Variants in TMEM230 observed in about 807,000 individuals in gnomAD.
TMEM230 encodes transmembrane protein 230, also known as UPF0414 transmembrane protein C20orf30.
TMEM230 carries 10 observed loss-of-function variants against 15.8 expected under a neutral mutation model. The ratio of observed to expected loss-of-function variants is 0.63; its 90% CI spans 0.39 to 1.07. TMEM230 has a LOEUF of 1.07. Among genes scored for constraint, TMEM230 ranks in the 50% least tolerant of loss-of-function variants. TMEM230 has a pLI of 0.01. For missense variants in TMEM230, 165 were observed against 193.3 expected (o/e 0.85, Z 0.87); for synonymous variants, 67 against 76.9 (o/e 0.87, Z 0.68).
At position 5,106,242 on chromosome 20, in the gene TMEM230, G is replaced by A. The variant is rs749201963; in HGVS notation, c.357C>T (p.Gly119=). 3.0e-5 allele frequency: 48 copies of A among 1,613,898 alleles called. No homozygotes were observed. The highest frequency in any genetic ancestry group is 3.3e-4 in the Middle Eastern group (2 of 6,084). The change falls in exon 4 of 5, where the codon GGC becomes GGT. Residue 119 remains glycine (G), a synonymous_variant. Transcript: ENST00000342308. ...GGGAGCCTATAATAATGAGAAAGGC[G>A]CCAATCAAAAACAGCACAGTGGCAA...
intron 3 of TMEM230, among the ~76,000 whole-genome samples, chr20:5,080,716 G>A (rs905256106): frequency 2.0e-5 from 3 of 151,998 alleles, no homozygotes; most frequent in Admixed American, 6.6e-5. Flanking sequence ...ACAGGCATGC[G>A]CCACCACGCC....
chr20:5,078,786 G>A (rs1259151018), intron 3 of TMEM230, among the ~76,000 whole-genome samples: 1 of 152,202 alleles, frequency 6.6e-6, no homozygotes, highest in East Asian at 1.9e-4. Context: ...TGGGCCACTT[G>A]TCTTTTGGTG....
intron 1 of TMEM230, 152 bp downstream of exon 1, chr20:5,112,809 A>G: frequency 6.6e-7 from 1 of 1,511,140 alleles, no homozygotes; most frequent in South Asian, 1.2e-5. Flanking sequence ...AACAAACAAA[A>G]CGGGCTTCTG....
At chr20:5,069,542 T>C (rs2088757074) in intron 3 of TMEM230, among the ~76,000 whole-genome samples, 1 of 152,132 alleles carries the variant, frequency 6.6e-6, no homozygotes, top group Non-Finnish European at 1.5e-5. Flanking sequence ...ACTCAGTGAG[T>C]GACCAAGGGA....
chr20:5,096,344 G>A (rs1465376658), downstream of TMEM230, among the ~76,000 whole-genome samples: 1 of 152,202 alleles, frequency 6.6e-6, no homozygotes, highest in Non-Finnish European at 1.5e-5. Flanking sequence ...CACCTTGTGA[G>A]GTAGGAATTG....
chr20:5,060,579 T>C, the TMEM230 span, among the ~76,000 whole-genome samples: 1 of 151,980 alleles, frequency 6.6e-6, no homozygotes, highest in Non-Finnish European at 1.5e-5. Flanking sequence ...TCAAGTGATC[T>C]GCCTGCCTCA....
At chr20:5,105,024 C>T (rs2090014719) in intron 4 of TMEM230, among the ~76,000 whole-genome samples, 1 of 152,236 alleles carries the variant, frequency 6.6e-6, no homozygotes, top group Non-Finnish European at 1.5e-5. Flanking sequence ...GTAGCTCACG[C>T]CTGTAATCCC....
chr20:5,112,888 G>A, intron 1 of TMEM230, 73 bp downstream of exon 1: 1 of 1,548,086 alleles, frequency 6.5e-7, no homozygotes, highest in Non-Finnish European at 8.7e-7. Flanking sequence ...ATTTCGGCGG[G>A]GAGCGCGGTC....
At chr20:5,088,003 TA>T (rs144929003) in intron 3 of TMEM230, among the ~76,000 whole-genome samples, 179 of 113,434 alleles carry the variant, frequency 1.6e-3, no homozygotes, top group African/African-American at 2.7e-3. Context: ...AGGATATACC[TA>T]AAAAAAAAAA....
At chr20:5,092,398 A>G (rs1260490552) in intron 3 of TMEM230, among the ~76,000 whole-genome samples, 1 of 152,114 alleles carries the variant, frequency 6.6e-6, no homozygotes, top group Non-Finnish European at 1.5e-5. Context: ...CTACATATGC[A>G]TATCAGTAAA....
intron 3 of TMEM230, among the ~76,000 whole-genome samples, chr20:5,086,843 A>G (rs1025914667): frequency 1.3e-5 from 2 of 151,248 alleles, no homozygotes; most frequent in African/African-American, 4.9e-5. Flanking sequence ...GGGACTACAG[A>G]TGCACACTGC....
rs1600261665 is a variant in TMEM230 at position 5,070,121 on chromosome 20, C to T, written c.223-772G>A. Among the ~76,000 whole-genome samples the T allele has an allele frequency of 2.6e-5, 4 of 152,254 alleles. No homozygotes were observed. In the South Asian group the frequency reaches 8.3e-4, roughly 32 times the overall value. On this transcript the variant is annotated intron_variant, in intron 3 of 3. Transcript: ENST00000612323. ...AGCCTTACGGGTCTCATCTAGCTCT[C>T]TTGGAACTTTGCTCTCGAGACACTC...
At chr20:5,095,741 T>C (rs897421673), downstream of TMEM230, among the ~76,000 whole-genome samples, 1 of 152,198 alleles carries the variant, frequency 6.6e-6, no homozygotes, top group African/African-American at 2.4e-5. Context: ...CATACAGGGC[T>C]CTTGCTACAA....
chr20:5,082,225 T>C (rs541677592), intron 3 of TMEM230, among the ~76,000 whole-genome samples: 2 of 108,322 alleles, frequency 1.8e-5, no homozygotes, highest in East Asian at 1.4e-3. Flanking sequence ...GCCTTGTTTC[T>C]CTCTCTCTTT....
intron 4 of TMEM230, among the ~76,000 whole-genome samples, chr20:5,102,133 A>G (rs1482317079): frequency 6.6e-6 from 1 of 152,192 alleles, no homozygotes; most frequent in East Asian, 1.9e-4. Flanking sequence ...CACCTCCCCT[A>G]TAGGAACTAT....
chr20:5,083,633 A>G (rs146106641), intron 3 of TMEM230, among the ~76,000 whole-genome samples: 206 of 152,296 alleles, frequency 1.4e-3, no homozygotes, highest in Non-Finnish European at 1.1e-3. Flanking sequence ...ATCAATATTT[A>G]TAAATGAAGT....
rs547531302 is a variant in TMEM230 at position 5,069,614 on chromosome 20, A to G, written c.223-265T>C. ...TCCCTCCCCGTAGATGAATGCTGCA[A>G]TGCATTTCAAGGGGTAGAGTCTAAG... On this transcript the variant is annotated intron_variant, in intron 3 of 3. Transcript: ENST00000612323. Among the ~76,000 whole-genome samples, 8 of 152,206 alleles carry G rather than the reference A, an allele frequency of 5.3e-5. No homozygotes were observed. The East Asian group carries it at 1.2e-3, about 22-fold the overall frequency.
chr20:5,106,563 C>A (rs1452868633), intron 3 of TMEM230, among the ~76,000 whole-genome samples: 4 of 152,080 alleles, frequency 2.6e-5, no homozygotes, highest in Admixed American at 6.6e-5. Context: ...GCCACTACAC[C>A]CAGCTAATTT....
chr20:5,104,823 A>G (rs1316216662), intron 4 of TMEM230, among the ~76,000 whole-genome samples: 1 of 152,220 alleles, frequency 6.6e-6, no homozygotes, highest in Non-Finnish European at 1.5e-5. Context: ...CTAAAAATTA[A>G]AACAATTGAA....
Sources: allele counts gnomAD v4.1 joint callset (sites outside exome capture counted in the v4.1 genomes callset), GRCh38; gene constraint gnomAD v4.1.1; transcripts MANE v1.5; gene names NCBI Gene and HGNC (gene_info 2026-07-23, HGNC 2026-07-21).